Variants in CTNNA2 observed in about 807,000 individuals in gnomAD.
CTNNA2 encodes the protein catenin alpha 2, also known as catenin alpha-2.
Under a neutral mutation model 101.0 loss-of-function variants are expected in CTNNA2, and 42 were observed. The observed-to-expected ratio is 0.42, with a 90% CI of 0.32 to 0.54. CTNNA2 has a LOEUF of 0.54. CTNNA2 is among the 20% of genes least tolerant of loss of function. The probability of loss-of-function intolerance (pLI) is 0.14; values close to 1 mark genes in which losing one functional copy is unlikely to be tolerated. For missense variants in CTNNA2, 871 were observed against 1,223.1 expected, an observed-to-expected ratio of 0.71 and a Z score of 4.29; for synonymous variants, 450 against 456.4, an observed-to-expected ratio of 0.99 and a Z score of 0.18.
Position 79,874,072 on chromosome 2 carries a change from A to G in CTNNA2, c.586-4A>G. Reference sequence around the variant, plus strand: ...GTGACAGCTTTCATGTGTTACACACACAGGAGCTGAAGGATCCTCACTGTC... The same window carrying G: ...GTGACAGCTTTCATGTGTTACACACGCAGGAGCTGAAGGATCCTCACTGTC... On this transcript the variant is annotated splice_region_variant and splice_polypyrimidine_tract_variant and intron_variant, in intron 5 of 18. Coordinates refer to ENST00000402739, the MANE Select transcript of CTNNA2 (RefSeq NM_001282597.3). The G allele has an allele frequency of 6.2e-7, 1 of 1,614,012 alleles. No individual in the cohort carries two copies. Among genetic ancestry groups the G allele is most frequent in the Non-Finnish European group, 8.5e-7 (1 of 1,179,954 alleles).
chr2:79,420,751 A>G (rs551175186), intron 4 of CTNNA2, among the ~76,000 whole-genome samples: 2 of 152,268 alleles, frequency 1.3e-5, no homozygotes, highest in South Asian at 4.1e-4. Flanking sequence ...AACTATGTCA[A>G]TGGCGTTATC....
chr2:80,065,011 G>T (rs1043090168), intron 7 of CTNNA2, among the ~76,000 whole-genome samples: 1 of 152,118 alleles, frequency 6.6e-6, no homozygotes, highest in Non-Finnish European at 1.5e-5. Context: ...ATAAATTAGT[G>T]CAAATGCAAG....
chr2:79,494,319 T>G (rs1671234020), intron 4 of CTNNA2, among the ~76,000 whole-genome samples: 1 of 151,876 alleles, frequency 6.6e-6, no homozygotes, highest in Admixed American at 6.6e-5. Context: ...ATCCTAAAAT[T>G]TATGTGGAAA....
intron 9 of CTNNA2, among the ~76,000 whole-genome samples, chr2:80,528,863 G>A (rs893318867): frequency 1.3e-5 from 2 of 152,130 alleles, no homozygotes; most frequent in Non-Finnish European, 2.9e-5. Context: ...AAACTTTGTA[G>A]CTCTTCAGTC....
intron 6 of CTNNA2, among the ~76,000 whole-genome samples, chr2:79,885,026 A>G (rs907284162): frequency 6.6e-6 from 1 of 152,024 alleles, no homozygotes; most frequent in Non-Finnish European, 1.5e-5. Context: ...ACAGATATTC[A>G]AGGAGCTCCA....
chr2:79,326,180 G>A (rs1275537668), intron 3 of CTNNA2, among the ~76,000 whole-genome samples: 1 of 151,946 alleles, frequency 6.6e-6, no homozygotes, highest in Non-Finnish European at 1.5e-5. Flanking sequence ...ATCTATCAAT[G>A]TCTGCCTTGA....
chr2:80,343,088 A>G (rs568393325), intron 7 of CTNNA2, among the ~76,000 whole-genome samples: 354 of 152,314 alleles, frequency 2.3e-3, no homozygotes, highest in South Asian at 6.0e-3. Flanking sequence ...ACATTGGGTT[A>G]GGGCATATCT....
chr2:80,358,789 A>G (rs1262096797), intron 7 of CTNNA2, among the ~76,000 whole-genome samples: 1 of 152,132 alleles, frequency 6.6e-6, no homozygotes, highest in Non-Finnish European at 1.5e-5. Context: ...TGCACTTTCT[A>G]GTATATTGAA....
intron 7 of CTNNA2, among the ~76,000 whole-genome samples, chr2:80,056,285 A>T (rs1463916812): frequency 6.6e-6 from 1 of 152,172 alleles, no homozygotes; most frequent in Non-Finnish European, 1.5e-5. Context: ...CCTACATCTC[A>T]TTGGCCAGAA....
intron 2 of CTNNA2, among the ~76,000 whole-genome samples, chr2:79,694,350 C>T (rs146303213): frequency 6.6e-6 from 1 of 151,968 alleles, no homozygotes; most frequent in Non-Finnish European, 1.5e-5. Flanking sequence ...GATTTTCTGA[C>T]ATTGTTTGGG....
At chr2:80,641,205 T>C (rs1241842874) in intron 18 of CTNNA2, among the ~76,000 whole-genome samples, 1 of 152,200 alleles carries the variant, frequency 6.6e-6, no homozygotes, top group Admixed American at 6.5e-5. Flanking sequence ...TCAGTTCTTT[T>C]ATTTCAAAAT....
intron 8 of CTNNA2, among the ~76,000 whole-genome samples, chr2:80,407,018 A>G (rs1325532755): frequency 1.3e-5 from 2 of 152,052 alleles, no homozygotes; most frequent in Non-Finnish European, 2.9e-5. Context: ...GGTCCAGTCC[A>G]GGTCAGAACA....
chr2:79,304,321 C>G (rs17016729), intron 2 of CTNNA2, among the ~76,000 whole-genome samples: 18,103 of 152,200 alleles, frequency 0.12, 1,411 homozygotes, highest in African/African-American at 0.22. Context: ...GTACATGTAA[C>G]TCTAGAGAAG....
At chr2:80,439,903 A>T (rs1203377260) in intron 9 of CTNNA2, among the ~76,000 whole-genome samples, 1 of 152,232 alleles carries the variant, frequency 6.6e-6, no homozygotes, top group African/African-American at 2.4e-5. Flanking sequence ...ATGTGCCAAT[A>T]GTATTCTGAA....
At chr2:80,642,712 C>T (rs1673626733) in intron 18 of CTNNA2, among the ~76,000 whole-genome samples, 1 of 152,178 alleles carries the variant, frequency 6.6e-6, no homozygotes, top group Admixed American at 6.6e-5. Context: ...AGGACATAGG[C>T]TTTCAGAAAT....
At chr2:79,474,061 T>G (rs1671027755) in intron 4 of CTNNA2, among the ~76,000 whole-genome samples, 1 of 152,170 alleles carries the variant, frequency 6.6e-6, no homozygotes, top group African/African-American at 2.4e-5. Flanking sequence ...ACTACTTTTT[T>G]AGACTTCAAC....
In CTNNA2 at chr2:79,268,468, A is replaced by G. The variant is rs549937079; in HGVS notation, c.-405-44241A>G. On this transcript the variant is annotated intron_variant, in intron 2 of 21. Transcript: ENST00000466387. ...AACATTCTTTGTAGTAAGCCATACA[A>G]TGTAAAGCAGTGTTTCCCTGAGTTC... Among the ~76,000 whole-genome samples, 8 of 152,244 alleles carry G rather than the reference A, an allele frequency of 5.3e-5. No individual in the cohort carries two copies. The East Asian group carries it at 1.2e-3, about 22-fold the overall frequency.
chr2:79,668,108 C>T (rs1000374586), intron 2 of CTNNA2, among the ~76,000 whole-genome samples: 23 of 150,772 alleles, frequency 1.5e-4, no homozygotes, highest in African/African-American at 4.1e-4. Flanking sequence ...GGCGCGGTGG[C>T]GGGCGCCTGT....
chr2:79,629,543 A>T (rs891094452), intron 1 of CTNNA2, among the ~76,000 whole-genome samples: 4 of 152,124 alleles, frequency 2.6e-5, no homozygotes, highest in Non-Finnish European at 5.9e-5. Flanking sequence ...GGATGTGGTT[A>T]TGGGAATGTG....
Sources: allele counts gnomAD v4.1 joint callset (sites outside exome capture counted in the v4.1 genomes callset), GRCh38; gene constraint gnomAD v4.1.1; transcripts MANE v1.5; gene names NCBI Gene and HGNC (gene_info 2026-07-23, HGNC 2026-07-21).